The following LDB2 variants were observed in gnomAD, a reference collection of about 807,000 sequenced individuals.
LDB2 encodes LIM domain binding 2, also known as LIM domain-binding protein 2.
In LDB2, 12 loss-of-function variants were observed where a neutral mutation model predicts 44.3. That is an observed-to-expected ratio of 0.27 (90% CI 0.17 to 0.44). The LOEUF is 0.44. Ranked by LOEUF, LDB2 falls within the 20% of genes least tolerant of loss-of-function variation. The pLI is 1.00. For synonymous variants in LDB2, 164 were observed against 174.8 expected, an observed-to-expected ratio of 0.94 and a Z score of 0.49; for missense variants, 344 against 473.5, an observed-to-expected ratio of 0.73 and a Z score of 2.54.
At chr4:16,860,560 C>T (rs144164797) in intron 1 of LDB2, among the ~76,000 whole-genome samples, 7 of 152,314 alleles carry the variant, frequency 4.6e-5, no homozygotes, top group African/African-American at 1.7e-4. Flanking sequence ...ATCTCTGTGA[C>T]CTCACGTAAG....
At chr4:16,625,967 A>G (rs1328949173) in intron 2 of LDB2, among the ~76,000 whole-genome samples, 4 of 152,066 alleles carry the variant, frequency 2.6e-5, no homozygotes, top group Admixed American at 2.6e-4. Context: ...GACACAACCT[A>G]TATCACTGAT....
chr4:16,592,104 A>G lies in LDB2; in HGVS notation c.409-3272T>C, dbSNP rs985403534. 2.0e-5 allele frequency among the ~76,000 whole-genome samples: 3 copies of G among 152,184 alleles called. No individual in the cohort carries two copies. In the East Asian group the frequency reaches 5.8e-4, roughly 29 times the overall value. ...AGTACAGATGGTCTCCGGAGGATCA[A>G]CAAGAAAGAGGCTGGCAGGCATTCA... On this transcript the variant is annotated intron_variant, in intron 3 of 7. Coordinates refer to ENST00000304523, the MANE Select transcript of LDB2 (RefSeq NM_001290.5).
At chr4:16,821,390 T>TATTTA (rs202169528) in intron 1 of LDB2, among the ~76,000 whole-genome samples, 2 of 121,344 alleles carry the variant, frequency 1.6e-5, no homozygotes, top group African/African-American at 5.8e-5. Flanking sequence ...TTTTTTTATT[T>TATTTA]TTTTTTTTTT....
chr4:16,537,016 G>A (rs901725379), intron 5 of LDB2, among the ~76,000 whole-genome samples: 5 of 152,164 alleles, frequency 3.3e-5, no homozygotes, highest in Non-Finnish European at 5.9e-5. Context: ...TTTCGGTATT[G>A]CCTTTTTGAG....
intron 3 of LDB2, among the ~76,000 whole-genome samples, chr4:16,592,116 C>A (rs2152434183): frequency 6.6e-6 from 1 of 152,256 alleles, no homozygotes; most frequent in South Asian, 2.1e-4. Flanking sequence ...AAGAAAGAGG[C>A]TGGCAGGCAT....
intron 1 of LDB2, among the ~76,000 whole-genome samples, chr4:16,871,196 T>C (rs1322701191): frequency 1.3e-5 from 2 of 152,144 alleles, no homozygotes; most frequent in Non-Finnish European, 2.9e-5. Flanking sequence ...GTTATTTATG[T>C]CTGTTGCATG....
chr4:16,733,408 G>T (rs149998035), intron 2 of LDB2, among the ~76,000 whole-genome samples: 56 of 152,072 alleles, frequency 3.7e-4, no homozygotes, highest in African/African-American at 1.3e-3. Context: ...TGGAATGGTT[G>T]TCTTGACCTC....
intron 2 of LDB2, among the ~76,000 whole-genome samples, chr4:16,663,855 A>G (rs748946286): frequency 1.3e-5 from 2 of 152,158 alleles, no homozygotes; most frequent in African/African-American, 4.8e-5. Context: ...GGCAATTCCA[A>G]TGAGTAGAAT....
chr4:16,763,364 T>C (rs1768393062), intron 1 of LDB2, among the ~76,000 whole-genome samples: 1 of 151,086 alleles, frequency 6.6e-6, no homozygotes, highest in Non-Finnish European at 1.5e-5. Context: ...TGTTGGTCAA[T>C]AATTTTAAAC....
intron 1 of LDB2, among the ~76,000 whole-genome samples, chr4:16,777,613 A>G (rs564816206): frequency 4.6e-5 from 7 of 152,266 alleles, no homozygotes; most frequent in African/African-American, 1.7e-4. Context: ...GTCATGATCA[A>G]TTTAGAGTTC....
chr4:16,696,731 A>T (rs990677754), intron 2 of LDB2, among the ~76,000 whole-genome samples: 1 of 152,202 alleles, frequency 6.6e-6, no homozygotes, highest in Non-Finnish European at 1.5e-5. Flanking sequence ...TTCTTAGAGC[A>T]GTGGTCATAC....
intron 2 of LDB2, among the ~76,000 whole-genome samples, chr4:16,666,978 G>A (rs1163554751): frequency 1.3e-5 from 2 of 152,152 alleles, no homozygotes; most frequent in Non-Finnish European, 2.9e-5. Context: ...GTATGCAGAG[G>A]TTGATTAGTT....
chr4:16,776,178 A>G (rs1771859377), intron 1 of LDB2, among the ~76,000 whole-genome samples: 1 of 152,206 alleles, frequency 6.6e-6, no homozygotes, highest in Non-Finnish European at 1.5e-5. Context: ...GTCCAAATCA[A>G]AAAATCGTCA....
At chr4:16,740,787 T>C (rs970304257) in intron 2 of LDB2, among the ~76,000 whole-genome samples, 1 of 152,358 alleles carries the variant, frequency 6.6e-6, no homozygotes, top group Non-Finnish European at 1.5e-5. Flanking sequence ...TTTTCATTCA[T>C]AGTTTGACAG....
intron 2 of LDB2, among the ~76,000 whole-genome samples, chr4:16,694,691 T>C (rs1342359019): frequency 1.3e-5 from 2 of 152,200 alleles, no homozygotes; most frequent in African/African-American, 2.4e-5. Context: ...TTCGTTGTTA[T>C]TCATCATGAA....
intron 1 of LDB2, among the ~76,000 whole-genome samples, chr4:16,867,752 C>G (rs527626349): frequency 1.3e-5 from 2 of 152,118 alleles, no homozygotes; most frequent in Non-Finnish European, 2.9e-5. Context: ...AAGAAGTGAT[C>G]TATAATCAAA....
At chr4:16,882,505 C>G (rs1720452278) in intron 1 of LDB2, among the ~76,000 whole-genome samples, 1 of 152,104 alleles carries the variant, frequency 6.6e-6, no homozygotes, top group African/African-American at 2.4e-5. Flanking sequence ...CTCCCCCATT[C>G]TTTAGTTATC....
intron 1 of LDB2, among the ~76,000 whole-genome samples, chr4:16,832,736 C>T (rs979465267): frequency 1.3e-5 from 2 of 152,168 alleles, no homozygotes; most frequent in African/African-American, 2.4e-5. Flanking sequence ...GACTACTGCC[C>T]AGATTAGGAT....
At chr4:16,802,897 G>A (rs1778115890) in intron 1 of LDB2, among the ~76,000 whole-genome samples, 1 of 152,148 alleles carries the variant, frequency 6.6e-6, no homozygotes, top group Non-Finnish European at 1.5e-5. Context: ...GGCTGGAAGA[G>A]TGTGAAATAG....
Sources: gnomAD v4.1 joint callset for allele counts (sites outside exome capture counted in the v4.1 genomes callset) on GRCh38, gnomAD v4.1.1 for gene constraint, MANE v1.5 for transcripts, NCBI Gene and HGNC (gene_info 2026-07-23, HGNC 2026-07-21) for gene names.